NPAS3: variants seen among roughly 807,000 people sequenced by gnomAD.
NPAS3 encodes the protein neuronal PAS domain protein 3.
Under a neutral mutation model 73.1 loss-of-function variants are expected in NPAS3, and 14 were observed. The observed-to-expected ratio is 0.19, with a 90% CI of 0.13 to 0.30. The LOEUF is 0.30. Among genes scored for constraint, NPAS3 ranks in the 10% least tolerant of loss-of-function variants. The probability of loss-of-function intolerance (pLI) is 1.00; values close to 1 mark genes in which losing one functional copy is unlikely to be tolerated. For synonymous variants in NPAS3, 620 were observed against 541.5 expected, an observed-to-expected ratio of 1.14 and a Z score of -2.01; for missense variants, 1,096 against 1,250.0, an observed-to-expected ratio of 0.88 and a Z score of 1.86.
chr14:33,473,208 A>G lies in NPAS3; in HGVS notation c.469-86913A>G, dbSNP rs1030319115. Among the ~76,000 whole-genome samples, 11 of 152,306 alleles carry G rather than the reference A, an allele frequency of 7.2e-5. No individual in the cohort carries two copies. In the Middle Eastern group the frequency reaches 0.01, roughly 141 times the overall value. On this transcript the variant is annotated intron_variant, in intron 4 of 11. Transcript: ENST00000356141. ...GAGACGCTAGCATTCTATCAGTATC[A>G]TGACTGGAACGTGCATCAGAATCTT... is the stretch of plus-strand genomic sequence containing the variant.
At chr14:33,750,602 T>TTATTACTCA (rs754520680) in intron 7 of NPAS3, among the ~76,000 whole-genome samples, 6,844 of 152,240 alleles carry the variant, frequency 0.045, 257 homozygotes, top group African/African-American at 0.1. Flanking sequence ...AAGAGAAGTC[T>TTATTACTCA]AGTGTAACCA....
At chr14:33,261,461 A>G (rs1212201122) in intron 3 of NPAS3, among the ~76,000 whole-genome samples, 1 of 152,154 alleles carries the variant, frequency 6.6e-6, no homozygotes. Flanking sequence ...ATGAACATCC[A>G]TTGTACATAT....
At chr14:33,681,624 T>C (rs893621328) in intron 6 of NPAS3, among the ~76,000 whole-genome samples, 1 of 152,106 alleles carries the variant, frequency 6.6e-6, no homozygotes, top group African/African-American at 2.4e-5. Context: ...ACATATAGAG[T>C]AGCAACTTTC....
At chr14:33,219,411 A>G (rs1397264822) in intron 3 of NPAS3, among the ~76,000 whole-genome samples, 1 of 152,206 alleles carries the variant, frequency 6.6e-6, no homozygotes, top group Non-Finnish European at 1.5e-5. Context: ...CAATTTAAAC[A>G]TTGCAGCTTT....
chr14:33,716,624 C>T (rs1034819200), intron 6 of NPAS3, among the ~76,000 whole-genome samples: 8 of 152,170 alleles, frequency 5.3e-5, no homozygotes, highest in African/African-American at 1.9e-4. Context: ...CAGTAACTTC[C>T]CATTTTTCCC....
intron 3 of NPAS3, among the ~76,000 whole-genome samples, chr14:33,317,272 A>G (rs1292961349): frequency 6.6e-6 from 1 of 151,972 alleles, no homozygotes; most frequent in Non-Finnish European, 1.5e-5. Context: ...GAGCACATAT[A>G]CCCTCTATTA....
chr14:33,622,286 T>C (rs1014094573), intron 5 of NPAS3, among the ~76,000 whole-genome samples: 7 of 151,878 alleles, frequency 4.6e-5, no homozygotes, highest in African/African-American at 1.2e-4. Flanking sequence ...CGGATTTCCG[T>C]ATAGCTAACA....
Position 32,953,274 on chromosome 14 carries a change from G to A in NPAS3, c.50+13908G>A, listed in dbSNP as rs186984807. On this transcript the variant is annotated intron_variant, in intron 1 of 11. Coordinates refer to ENST00000356141, the Ensembl canonical transcript of NPAS3. ...TTAGACTTGGGTTGAACCAAACCAC[G>A]TTAGACTTCACAAGATCTGGACCCT... Among the ~76,000 whole-genome samples, 550 of 152,226 alleles carry A rather than the reference G, an allele frequency of 3.6e-3. 1 individual carries two copies. The highest frequency in any genetic ancestry group is 0.012 in the African/African-American group (514 of 41,540).
Position 33,447,465 on chromosome 14 carries a change from G to A in NPAS3, c.468+80197G>A, listed in dbSNP as rs542150854. Among the ~76,000 whole-genome samples, 5 of 152,312 alleles carry A rather than the reference G, an allele frequency of 3.3e-5. No individual in the cohort carries two copies. In the East Asian group the frequency reaches 9.6e-4, roughly 29 times the overall value. The stretch of plus-strand genomic sequence containing the variant: ...AATGATATTGGACCTCAAATGGTAT[G>A]CTAAGATGTTTGACAATTTTATTCT... On this transcript the variant is annotated intron_variant, in intron 4 of 11. Coordinates refer to ENST00000356141, the Ensembl canonical transcript of NPAS3.
At chr14:33,539,880 A>C (rs186496285) in intron 4 of NPAS3, among the ~76,000 whole-genome samples, 4 of 152,230 alleles carry the variant, frequency 2.6e-5, no homozygotes, top group Non-Finnish European at 4.4e-5. Context: ...ATATTCTTCT[A>C]TCATAACACT....
chr14:33,004,836 T>TTTTTTTTTTTTTTTTTTTTTTTA (rs2038940404), intron 1 of NPAS3, among the ~76,000 whole-genome samples: 1 of 136,438 alleles, frequency 7.3e-6, no homozygotes, highest in Non-Finnish European at 1.6e-5. Flanking sequence ...TTTTTTTTTT[T>TTTTTTTTTTTTTTTTTTTTTTTA]AGTTTTAAAA....
At chr14:33,364,066 G>A (rs117876949) in intron 3 of NPAS3, among the ~76,000 whole-genome samples, 19 of 152,164 alleles carry the variant, frequency 1.2e-4, no homozygotes, top group Non-Finnish European at 2.5e-4. Context: ...ACTGTGACCC[G>A]TTCGGCAATA....
intron 5 of NPAS3, among the ~76,000 whole-genome samples, chr14:33,641,312 A>G (rs1176714357): frequency 6.6e-6 from 1 of 152,206 alleles, no homozygotes; most frequent in East Asian, 1.9e-4. Context: ...TGTAATGTGC[A>G]TGTTTTCATT....
At chr14:33,720,300 C>T (rs547326397) in intron 6 of NPAS3, among the ~76,000 whole-genome samples, 12 of 152,230 alleles carry the variant, frequency 7.9e-5, no homozygotes, top group African/African-American at 1.2e-4. Flanking sequence ...CTGCGGTGAT[C>T]AGCAATGGGC....
intron 5 of NPAS3, among the ~76,000 whole-genome samples, chr14:33,671,942 G>C (rs1335890990): frequency 6.6e-6 from 1 of 152,162 alleles, no homozygotes; most frequent in Non-Finnish European, 1.5e-5. Flanking sequence ...TTTTCCATTA[G>C]ATCATAATTA....
upstream of NPAS3, among the ~76,000 whole-genome samples, chr14:32,938,418 G>A (rs1030585005): frequency 6.7e-6 from 1 of 148,166 alleles, no homozygotes; most frequent in African/African-American, 2.5e-5. Context: ...GAGTGGCGTT[G>A]TTGCGCCGGC....
chr14:33,680,277 C>T (rs1356671355), intron 6 of NPAS3, among the ~76,000 whole-genome samples: 1 of 152,200 alleles, frequency 6.6e-6, no homozygotes, highest in Non-Finnish European at 1.5e-5. Context: ...AACTTTAAAA[C>T]TCTTCCTATG....
chr14:33,109,810 C>CTTTTTTTTTT lies in NPAS3; in HGVS notation c.140+53831_140+53840dup, dbSNP rs67439887. On this transcript the variant is annotated intron_variant, in intron 2 of 11. Coordinates refer to ENST00000356141, the Ensembl canonical transcript of NPAS3. ...TACCTCTTATCTGTAATTTGCATGT[C>CTTTTTTTTTT]TTTTTTTTTTTTTTTTTTTTTTTTG... Among the ~76,000 whole-genome samples, 5 of 86,948 alleles carry CTTTTTTTTTT rather than the reference C, an allele frequency of 5.8e-5. 1 individual carries two copies. The highest frequency in any genetic ancestry group is 9.5e-4 in the South Asian group (2 of 2,106). The allele number at this position is 86,948 out of a possible 152,430, so 57.0% of individuals were successfully genotyped here.
chr14:33,619,761 T>C (rs1187172248), intron 5 of NPAS3, among the ~76,000 whole-genome samples: 1 of 152,236 alleles, frequency 6.6e-6, no homozygotes, highest in Non-Finnish European at 1.5e-5. Context: ...TTTTACAGTT[T>C]GACAACTTGG....
Sources: allele counts gnomAD v4.1 joint callset (sites outside exome capture counted in the v4.1 genomes callset), GRCh38; gene constraint gnomAD v4.1.1; transcripts MANE v1.5; gene names NCBI Gene and HGNC (gene_info 2026-07-23, HGNC 2026-07-21).